Variants in STAU1 observed in about 807,000 individuals in gnomAD.
STAU1 encodes the protein staufen double-stranded RNA binding protein 1.
Under a neutral mutation model 62.9 loss-of-function variants are expected in STAU1, and 13 were observed. That is an observed-to-expected ratio of 0.21 (90% CI 0.13 to 0.33). The LOEUF (loss-of-function observed/expected upper bound fraction) is 0.33, where lower values mean the gene tolerates loss of function less well. STAU1 is among the 10% of genes least tolerant of loss of function. The pLI is 1.00. For missense variants in STAU1, 571 were observed against 712.1 expected (o/e 0.80, Z 2.25); for synonymous variants, 269 against 265.1 (o/e 1.01, Z -0.14).
At chr20:49,149,711 G>A (rs2093206830) in intron 5 of STAU1, among the ~76,000 whole-genome samples, 1 of 152,066 alleles carries the variant, frequency 6.6e-6, no homozygotes, top group South Asian at 2.1e-4. Context: ...TCTTTGATTT[G>A]GTCCTTAGTG....
chr20:49,134,333 A>T, intron 6 of STAU1: 2 of 397,122 alleles, frequency 5.0e-6, no homozygotes, highest in South Asian at 4.9e-5. Flanking sequence ...CAGGAGGCTG[A>T]GGCAGGAGAA....
At chr20:49,129,842 G>C (rs1340785199) in intron 6 of STAU1, among the ~76,000 whole-genome samples, 1 of 151,898 alleles carries the variant, frequency 6.6e-6, no homozygotes. Flanking sequence ...TGGCCAGGCT[G>C]GTCTCTAACT....
chr20:49,137,128 A>T (rs1227483356), intron 5 of STAU1, among the ~76,000 whole-genome samples: 1 of 152,190 alleles, frequency 6.6e-6, no homozygotes, highest in Non-Finnish European at 1.5e-5. Context: ...CATGCCTGTA[A>T]ACAGCCACTG....
intron 3 of STAU1, among the ~76,000 whole-genome samples, chr20:49,164,246 G>T (rs1041973265): frequency 1.3e-5 from 2 of 151,806 alleles, no homozygotes; most frequent in Non-Finnish European, 2.9e-5. Flanking sequence ...AAATAAATAG[G>T]CATCCCAAAA....
the STAU1 span, among the ~76,000 whole-genome samples, chr20:49,217,380 A>G: frequency 1.3e-5 from 2 of 152,032 alleles, no homozygotes; most frequent in Non-Finnish European, 2.9e-5. Flanking sequence ...TGAGTCAGGT[A>G]TAGAAGGGTT....
intron 5 of STAU1, among the ~76,000 whole-genome samples, chr20:49,150,298 G>T (rs2093220342): frequency 6.6e-6 from 1 of 151,996 alleles, no homozygotes; most frequent in Non-Finnish European, 1.5e-5. Context: ...TCCATATTGT[G>T]AACGTACTAA....
chr20:49,215,882 C>A, the STAU1 span, among the ~76,000 whole-genome samples: 1 of 151,572 alleles, frequency 6.6e-6, no homozygotes, highest in Non-Finnish European at 1.5e-5. Context: ...GTGGCACATG[C>A]CTATAATCCC....
chr20:49,175,002 A>T (rs1028266378), intron 1 of STAU1, among the ~76,000 whole-genome samples: 25 of 151,668 alleles, frequency 1.6e-4, no homozygotes, highest in Non-Finnish European at 2.4e-4. Context: ...TACTAAAAAT[A>T]CAAAAATTAG....
intron 3 of STAU1, among the ~76,000 whole-genome samples, chr20:49,163,859 G>T (rs2146365082): frequency 6.6e-6 from 1 of 152,064 alleles, no homozygotes; most frequent in East Asian, 1.9e-4. Context: ...CAAACTTCTG[G>T]GCTCAAGCAA....
chr20:49,135,670 A>G (rs540464372), intron 6 of STAU1, among the ~76,000 whole-genome samples, 163 bp downstream of exon 6: 2 of 152,360 alleles, frequency 1.3e-5, no homozygotes, highest in South Asian at 4.1e-4. Flanking sequence ...TCCCAGAAGA[A>G]GAGAATAAAC....
chr20:49,196,885 G>T, the STAU1 span, among the ~76,000 whole-genome samples: 7 of 152,124 alleles, frequency 4.6e-5, no homozygotes, highest in African/African-American at 1.7e-4. Flanking sequence ...GTTCGGACGT[G>T]GTGGCTCACG....
chr20:49,151,909 A>G (rs2093258021), intron 4 of STAU1, among the ~76,000 whole-genome samples, 162 bp from the exon 5 acceptor site: 1 of 152,240 alleles, frequency 6.6e-6, no homozygotes, highest in Non-Finnish European at 1.5e-5. Context: ...ATAAAAGCTT[A>G]AACTGGATTA....
At chr20:49,138,922 C>T (rs1236385852) in intron 5 of STAU1, among the ~76,000 whole-genome samples, 1 of 151,978 alleles carries the variant, frequency 6.6e-6, no homozygotes, top group Non-Finnish European at 1.5e-5. Context: ...AGAGGTTTGG[C>T]TTGAAATTTA....
chr20:49,215,079 C>T, the STAU1 span, among the ~76,000 whole-genome samples: 1 of 152,208 alleles, frequency 6.6e-6, no homozygotes, highest in Non-Finnish European at 1.5e-5. Flanking sequence ...AGCGCAGGCT[C>T]CTTCCAGCTC....
At chr20:49,169,429 T>G (rs1461771892) in intron 2 of STAU1, among the ~76,000 whole-genome samples, 2 of 152,204 alleles carry the variant, frequency 1.3e-5, no homozygotes, top group Non-Finnish European at 2.9e-5. Flanking sequence ...CTGTGGAACT[T>G]TGGAAATAGA....
chr20:49,209,372 A>T, the STAU1 span, among the ~76,000 whole-genome samples: 1 of 150,226 alleles, frequency 6.7e-6, no homozygotes, highest in Non-Finnish European at 1.5e-5. Context: ...TCTATACCCT[A>T]TGCATGAGTC....
intron 5 of STAU1, among the ~76,000 whole-genome samples, chr20:49,150,394 C>T (rs1049064267): frequency 2.0e-5 from 3 of 151,166 alleles, no homozygotes; most frequent in Non-Finnish European, 2.9e-5. Flanking sequence ...CAGAGTCTCG[C>T]TCTGTCCCTG....
intron 5 of STAU1, among the ~76,000 whole-genome samples, chr20:49,143,375 T>C (rs2093052115): frequency 1.3e-5 from 2 of 152,140 alleles, no homozygotes; most frequent in Admixed American, 6.6e-5. Context: ...GCGGATCACT[T>C]GAGCCCAGGA....
chr20:49,181,422 G>A (rs1418574616), intron 1 of STAU1, among the ~76,000 whole-genome samples: 1 of 152,098 alleles, frequency 6.6e-6, no homozygotes, highest in African/African-American at 2.4e-5. Context: ...AGAATATGCT[G>A]ACTAAAACCA....
Sources: allele counts gnomAD v4.1 joint callset (sites outside exome capture counted in the v4.1 genomes callset), GRCh38; gene constraint gnomAD v4.1.1; transcripts MANE v1.5; gene names NCBI Gene and HGNC (gene_info 2026-07-23, HGNC 2026-07-21).